Variants in MND1 observed in about 807,000 individuals in gnomAD.
The protein encoded by MND1 is meiotic nuclear division protein 1 homolog.
In MND1, 28 loss-of-function variants were observed where a neutral mutation model predicts 35.1. The ratio of observed to expected loss-of-function variants is 0.80; its 90% CI spans 0.59 to 1.09. The LOEUF (loss-of-function observed/expected upper bound fraction) is 1.09. Ranked by LOEUF, MND1 falls within the 50% of genes least tolerant of loss-of-function variation. The pLI is 0.00. For synonymous variants in MND1, 69 were observed against 70.5 expected, an observed-to-expected ratio of 0.98 and a Z score of 0.11; for missense variants, 213 against 239.6, an observed-to-expected ratio of 0.89 and a Z score of 0.73.
chr4:153,379,684 T>C (rs1218957336), intron 4 of MND1, among the ~76,000 whole-genome samples: 3 of 151,722 alleles, frequency 2.0e-5, no homozygotes, highest in Non-Finnish European at 2.9e-5. Flanking sequence ...ACCCCGTCTC[T>C]ACTAAAAATA....
At chr4:153,357,817 A>G (rs1307667337) in intron 3 of MND1, among the ~76,000 whole-genome samples, 1 of 152,126 alleles carries the variant, frequency 6.6e-6, no homozygotes, top group Non-Finnish European at 1.5e-5. Context: ...CTTCTTACCT[A>G]TTTTCCCTCC....
At chr4:153,390,671 G>A (rs1195667325) in intron 4 of MND1, among the ~76,000 whole-genome samples, 3 of 151,788 alleles carry the variant, frequency 2.0e-5, no homozygotes, top group African/African-American at 7.3e-5. Flanking sequence ...ACATGACAAA[G>A]TTCATCTCTA....
chr4:153,371,515 G>T (rs1490694297), intron 4 of MND1, among the ~76,000 whole-genome samples: 1 of 151,972 alleles, frequency 6.6e-6, no homozygotes, highest in Non-Finnish European at 1.5e-5. Context: ...TTACATTATG[G>T]AGATGGCCTC....
At chr4:153,347,597 CA>C (rs1773104966) in intron 1 of MND1, among the ~76,000 whole-genome samples, 1 of 152,138 alleles carries the variant, frequency 6.6e-6, no homozygotes. Context: ...CTGATACGGA[CA>C]AGTAAACATC....
chr4:153,348,296 A>G (rs189766060), intron 1 of MND1, among the ~76,000 whole-genome samples: 88 of 152,298 alleles, frequency 5.8e-4, no homozygotes, highest in African/African-American at 2.0e-3. Flanking sequence ...AAGGTCTAGA[A>G]CAGCAAGTTT....
At position 153,354,198 on chromosome 4, in the gene MND1, A is replaced by G. The variant is rs552669953; in HGVS notation, c.70-1456A>G. On this transcript the variant is annotated intron_variant, in intron 2 of 7. Coordinates refer to ENST00000240488, the MANE Select transcript of MND1 (RefSeq NM_032117.4). ...TATTCTACACGCATATTTTCCCTTAATGTTTTGCTTTGCATGTGGTAGACA... is the reference window on the plus strand; with the variant it reads ...TATTCTACACGCATATTTTCCCTTAGTGTTTTGCTTTGCATGTGGTAGACA... 2.0e-5 allele frequency among the ~76,000 whole-genome samples: 3 copies of G among 152,104 alleles called. No individual in the cohort carries two copies. In the South Asian group the frequency reaches 6.2e-4, roughly 32 times the overall value.
chr4:153,361,699 G>A (rs747493860), intron 4 of MND1: 10 of 366,628 alleles, frequency 2.7e-5, no homozygotes, highest in East Asian at 2.2e-4. Context: ...ATAGCCGGGC[G>A]TGGTGGTGGG....
In MND1 at chr4:153,345,313, G is replaced by A. The variant is rs959548891; in HGVS notation, c.3+573G>A. ...GTAGAGCACATTCCAGAACTGCTCAGTTTCGAGTTACCTAATGGATCTTCA... is the reference window on the plus strand; with the variant it reads ...GTAGAGCACATTCCAGAACTGCTCAATTTCGAGTTACCTAATGGATCTTCA... On this transcript the variant is annotated intron_variant, in intron 1 of 7. Transcript: ENST00000240488. 17 of 984,988 alleles carry A rather than the reference G, an allele frequency of 1.7e-5. No homozygotes were observed. In the African/African-American group the frequency reaches 2.8e-4, roughly 16 times the overall value. 61.0% of individuals were successfully genotyped at this position (984,988 alleles called of 1,614,324 possible).
At chr4:153,410,213 C>G (rs1039713377) in intron 7 of MND1, among the ~76,000 whole-genome samples, 14 of 151,986 alleles carry the variant, frequency 9.2e-5, no homozygotes, top group African/African-American at 3.4e-4. Context: ...CTTTTCTTCT[C>G]TTAAAAAAGT....
At chr4:153,359,495 C>T (rs1464369606) in intron 4 of MND1, among the ~76,000 whole-genome samples, 1 of 152,218 alleles carries the variant, frequency 6.6e-6, no homozygotes, top group South Asian at 2.1e-4. Flanking sequence ...CTGCCATAAG[C>T]ATTCATGTGT....
chr4:153,395,006 A>G (rs1480518901), intron 5 of MND1, among the ~76,000 whole-genome samples: 2 of 152,164 alleles, frequency 1.3e-5, no homozygotes, highest in Non-Finnish European at 2.9e-5. Context: ...CCGGGTCTCT[A>G]TTTGTATCAC....
At chr4:153,345,491 G>T (rs1773053408) in intron 1 of MND1, 1 of 985,348 alleles carries the variant, frequency 1.0e-6, no homozygotes, top group Non-Finnish European at 1.2e-6. Flanking sequence ...CGTGGGTCAT[G>T]ATCAGTTAAG....
chr4:153,386,956 G>C (rs1319748567), intron 4 of MND1, among the ~76,000 whole-genome samples: 1 of 152,198 alleles, frequency 6.6e-6, no homozygotes, highest in African/African-American at 2.4e-5. Context: ...TGCAGAGGAG[G>C]TGGAAAGGCA....
In MND1 at chr4:153,344,756, A is replaced by G; in HGVS notation, c.3+16A>G. 6.2e-7 allele frequency: 1 copy of G among 1,600,886 alleles called. No homozygotes were observed. On this transcript the variant is annotated intron_variant, in intron 1 of 7. Coordinates refer to ENST00000240488, the MANE Select transcript of MND1 (RefSeq NM_032117.4). ...CCGCGCCATGGTAAGGACTGAGGCT[A>G]CGGTCCCGCGTCTTCTTCCTCCCTA...
At chr4:153,366,589 A>G (rs1275238896) in intron 4 of MND1, among the ~76,000 whole-genome samples, 1 of 152,228 alleles carries the variant, frequency 6.6e-6, no homozygotes, top group Non-Finnish European at 1.5e-5. Flanking sequence ...CTCACTGCAG[A>G]TGGGGGAGTC....
At chr4:153,348,645 G>GT (rs1773132749) in intron 1 of MND1, among the ~76,000 whole-genome samples, 1 of 152,110 alleles carries the variant, frequency 6.6e-6, no homozygotes, top group South Asian at 2.1e-4. Context: ...GAATGAGTTA[G>GT]TGGGTTGTTG....
chr4:153,411,079 A>G (rs1469385067), intron 7 of MND1, among the ~76,000 whole-genome samples: 1 of 152,252 alleles, frequency 6.6e-6, no homozygotes, highest in Non-Finnish European at 1.5e-5. Context: ...GGATGAGATT[A>G]CCTCAGAGTC....
intron 4 of MND1, among the ~76,000 whole-genome samples, chr4:153,385,831 G>T (rs1728842297): frequency 6.6e-6 from 1 of 151,630 alleles, no homozygotes; most frequent in Non-Finnish European, 1.5e-5. Context: ...TGATGCTCAT[G>T]TCCTCAGGTT....
At chr4:153,374,375 A>C (rs995062925) in intron 4 of MND1, among the ~76,000 whole-genome samples, 4 of 152,164 alleles carry the variant, frequency 2.6e-5, no homozygotes, top group African/African-American at 9.7e-5. Context: ...TGAAGATGAG[A>C]TATATACACT....
Sources: gnomAD v4.1 joint callset for allele counts (sites outside exome capture counted in the v4.1 genomes callset) on GRCh38, gnomAD v4.1.1 for gene constraint, MANE v1.5 for transcripts, NCBI Gene and HGNC (gene_info 2026-07-23, HGNC 2026-07-21) for gene names.